TRIM27: variants seen among roughly 807,000 people sequenced by gnomAD.
TRIM27 encodes zinc finger protein RFP.
In TRIM27, 12 loss-of-function variants were observed where a neutral mutation model predicts 57.6. The ratio of observed to expected loss-of-function variants is 0.21; its 90% CI spans 0.13 to 0.34. TRIM27 has a LOEUF of 0.34. Ranked by LOEUF, TRIM27 falls within the 10% of genes least tolerant of loss-of-function variation. The pLI, the probability that TRIM27 is intolerant of heterozygous loss-of-function variation, is 1.00. For synonymous variants in TRIM27, 266 were observed against 259.0 expected (o/e 1.03, Z -0.26); for missense variants, 403 against 656.8 (o/e 0.61, Z 4.22).
intron 1 of TRIM27, among the ~76,000 whole-genome samples, 171 bp downstream of exon 1, chr6:28,923,042 G>A (rs903218513): frequency 3.3e-5 from 5 of 152,180 alleles, no homozygotes; most frequent in Admixed American, 3.3e-4. Flanking sequence ...CCAGCTACAG[G>A]TTTTCCTCCA....
At position 28,904,184 on chromosome 6, in the gene TRIM27, C is replaced by G. The variant is rs1485075882; in HGVS notation, c.1428G>C (p.Leu476=). The G allele has an allele frequency of 1.2e-6, 2 of 1,612,958 alleles. No homozygotes were observed. Among genetic ancestry groups the G allele is most frequent in the African/African-American group, 1.3e-5 (1 of 74,914 alleles). ...FCGPVRPYFS[L]SYSGGKSAAP... ...CTGCACTTTTCCCTCCCGAGTAACT[C>G]AGACTGAAGTAGGGCCGGACAGGCC... Residue 476 remains leucine, a synonymous_variant, in exon 8 of 8, where the codon CTG becomes CTC. Transcript: ENST00000377199. The surrounding 1 kb of genome is among the most constrained non-coding windows in gnomAD (Gnocchi z 6.1).
At chr6:28,906,398 C>G (rs977524567) in intron 7 of TRIM27, 3 of 152,028 alleles carry the variant, frequency 2.0e-5, no homozygotes, top group African/African-American at 7.3e-5. Context: ...ACCCCAGAAC[C>G]CTTGGCTCCT....
chr6:28,923,634 G>A lies in TRIM27; in HGVS notation c.-2C>T. 1.3e-6 allele frequency: 2 copies of A among 1,564,324 alleles called. No homozygotes were observed. Among genetic ancestry groups the A allele is most frequent in the Non-Finnish European group, 1.7e-6 (2 of 1,151,712 alleles). On this transcript the variant is annotated 5_prime_UTR_variant, in exon 1 of 8. Transcript: ENST00000377199. ...CTCGGCCACACTCCCGGAGGCCATG[G>A]CGCCGGCCTGCGGGGGCGCACGGGC...
chr6:28,909,732 C>A (rs1247510855), intron 4 of TRIM27, among the ~76,000 whole-genome samples: 2 of 152,186 alleles, frequency 1.3e-5, no homozygotes, highest in Non-Finnish European at 2.9e-5. Context: ...TTCTCAGGTT[C>A]CCAAATATGG....
At chr6:28,907,079 A>G (rs1257470784) in intron 7 of TRIM27, 157 bp downstream of exon 7, 3 of 650,480 alleles carry the variant, frequency 4.6e-6, no homozygotes, top group African/African-American at 1.8e-5. Context: ...TAACACATAG[A>G]AACAACTGAG....
intron 4 of TRIM27, among the ~76,000 whole-genome samples, chr6:28,910,124 A>G (rs1249486502): frequency 2.7e-4 from 6 of 22,016 alleles, no homozygotes; most frequent in Admixed American, 1.4e-3. Flanking sequence ...AAGAAAAATG[A>G]AAAAAAAAAA....
rs182051104 is a variant in TRIM27 at position 28,921,211 on chromosome 6, T to A, written c.516+681A>T. 2.1e-3 allele frequency among the ~76,000 whole-genome samples: 321 copies of A among 151,934 alleles called. 2 individuals are homozygous for A. The highest frequency in any genetic ancestry group is 2.3e-3 in the Non-Finnish European group (157 of 67,936). On this transcript the variant is annotated intron_variant, in intron 2 of 7. Transcript: ENST00000377199. ...GCCTAACCAACATGGAGAAACACCA[T>A]CTCTACTAAAAATACAAAAATTAGC...
At chr6:28,919,164 C>T (rs1469926510) in intron 3 of TRIM27, among the ~76,000 whole-genome samples, 2 of 152,084 alleles carry the variant, frequency 1.3e-5, no homozygotes, top group Non-Finnish European at 2.9e-5. Context: ...AGGCACACCG[C>T]CATGCCTGGC....
rs753297430 is a variant in TRIM27, at chr6:28,923,280, C to T, written c.353G>A (p.Cys118Tyr). The change falls in exon 1 of 8, where the codon TGC becomes TAC. Residue 118 changes from cysteine to tyrosine, a missense_variant. Transcript: ENST00000377199. Reference sequence around the variant, plus strand: ...GCCGCGGTGCTCGCGGGAGCGGTCGCACACCACGCAGATGGGCATCTGGTC... The same window carrying T: ...GCCGCGGTGCTCGCGGGAGCGGTCGTACACCACGCAGATGGGCATCTGGTC... ...EEDQMPICVVCDRSREHRGHS... is the reference protein window; with the variant it reads ...EEDQMPICVVYDRSREHRGHS... 2 of 1,611,338 alleles carry T rather than the reference C, an allele frequency of 1.2e-6. No homozygotes were observed. The highest frequency in any genetic ancestry group is 1.3e-5 in the African/African-American group (1 of 75,028).
chr6:28,906,331 TA>T (rs1477919223), intron 7 of TRIM27: 3 of 152,206 alleles, frequency 2.0e-5, no homozygotes, highest in Middle Eastern at 3.2e-3. Flanking sequence ...CTCAGAAATT[TA>T]AGCCCACAAA....
At chr6:28,908,785 G>A (rs1244637555) in intron 6 of TRIM27, 23 bp downstream of exon 6, 1 of 1,612,430 alleles carries the variant, frequency 6.2e-7, no homozygotes, top group Non-Finnish European at 8.5e-7. Context: ...TACATCAAAA[G>A]CCCAGTAGGT....
intron 3 of TRIM27, among the ~76,000 whole-genome samples, chr6:28,919,107 G>A (rs1773836203): frequency 6.6e-6 from 1 of 151,944 alleles, no homozygotes; most frequent in Non-Finnish European, 1.5e-5. Flanking sequence ...ACTTCCTCCT[G>A]GTTTTGGGCA....
At chr6:28,911,069 T>C (rs569116954) in intron 4 of TRIM27, among the ~76,000 whole-genome samples, 2 of 152,310 alleles carry the variant, frequency 1.3e-5, no homozygotes, top group South Asian at 4.1e-4. Context: ...GAAGGCATTC[T>C]TACACCAAAC....
In TRIM27 at chr6:28,908,797, G is replaced by A; in HGVS notation, c.919+11C>T. 15 of 1,613,246 alleles carry A rather than the reference G, an allele frequency of 9.3e-6. No homozygotes were observed. Among genetic ancestry groups the A allele is most frequent in the Non-Finnish European group, 1.3e-5 (15 of 1,179,378 alleles). ...CTTTACATCAAAAGCCCAGTAGGTA[G>A]ATAAATTTACCTTGGATTTTCTCCA... is the stretch of plus-strand genomic sequence containing the variant. On this transcript the variant is annotated intron_variant, in intron 6 of 7. Coordinates refer to ENST00000377199, the MANE Select transcript of TRIM27 (RefSeq NM_006510.5).
intron 3 of TRIM27, among the ~76,000 whole-genome samples, chr6:28,914,028 T>G (rs1773416270): frequency 6.7e-6 from 1 of 149,686 alleles, no homozygotes; most frequent in Non-Finnish European, 1.5e-5. Context: ...CCTATGTTTT[T>G]TTTTTTTTTT....
intron 2 of TRIM27, 22 bp downstream of exon 2, chr6:28,921,870 T>C: frequency 6.3e-7 from 1 of 1,593,200 alleles, no homozygotes; most frequent in Non-Finnish European, 8.6e-7. Context: ...CAGAACCAAC[T>C]GTGAATTCCA....
intron 2 of TRIM27, among the ~76,000 whole-genome samples, chr6:28,920,483 T>C (rs1773939732): frequency 6.6e-6 from 1 of 152,156 alleles, no homozygotes; most frequent in African/African-American, 2.4e-5. Flanking sequence ...CAGGTTCATA[T>C]GATATACATA....
rs531494535 is a variant in TRIM27 at position 28,911,857 on chromosome 6, C to T, written c.748-139G>A. On this transcript the variant is annotated intron_variant, in intron 3 of 7. Transcript: ENST00000377199. ...GGAGAAAAGGATCACTGGAACATAA[C>T]TCAGTGTTGAGGAGCTAAAAGGCAG... 25 of 806,616 alleles carry T rather than the reference C, an allele frequency of 3.1e-5. 1 individual carries two copies. In the South Asian group the frequency reaches 3.3e-4, roughly 11 times the overall value. The allele number at this position is 806,616 out of a possible 1,614,324, so 50.0% of individuals were successfully genotyped here. A position where few individuals can be genotyped will look rare whatever the true frequency, so the allele number is the denominator to read the frequency against.
At position 28,920,133 on chromosome 6, in the gene TRIM27, A is replaced by G; in HGVS notation, c.626T>C (p.Leu209Ser). 1 of 1,614,232 alleles carries G rather than the reference A, an allele frequency of 6.2e-7. No individual in the cohort carries two copies. The highest frequency in any genetic ancestry group is 8.5e-7 in the Non-Finnish European group (1 of 1,180,044). The change falls in exon 3 of 8, where the codon TTG becomes TCG. Residue 209 changes from leucine (L) to serine (S), a missense_variant. Physicochemically the swap from Leu to Ser is moderately radical, Grantham distance 145. Transcript: ENST00000377199. ...RLLARLEELD[L>S]AIYNSINGAI... ...ACCATTGATGCTATTGTAGATGGCCAAGTCTAGCTCCTCAAGGCGGGCCAG... is the reference window on the plus strand; with the variant it reads ...ACCATTGATGCTATTGTAGATGGCCGAGTCTAGCTCCTCAAGGCGGGCCAG...
Sources: allele counts gnomAD v4.1 joint callset (sites outside exome capture counted in the v4.1 genomes callset), GRCh38; gene constraint gnomAD v4.1.1; non-coding constraint Gnocchi (gnomAD v3.1); transcripts MANE v1.5; gene names NCBI Gene and HGNC (gene_info 2026-07-23, HGNC 2026-07-21).